PDXDC1: variants seen among roughly 807,000 people sequenced by gnomAD.
The protein encoded by PDXDC1 is pyridoxal dependent decarboxylase domain containing 1, also known as pyridoxal-dependent decarboxylase domain-containing protein 1.
In PDXDC1, 42 loss-of-function variants were observed where a neutral mutation model predicts 100.1. The ratio of observed to expected loss-of-function variants is 0.42; its 90% confidence interval spans 0.33 to 0.54. The LOEUF (loss-of-function observed/expected upper bound fraction) is 0.54. Ranked by LOEUF, PDXDC1 falls within the 20% of genes least tolerant of loss-of-function variation. PDXDC1 has a pLI of 0.10. For synonymous variants in PDXDC1, 260 were observed against 371.7 expected (o/e 0.70, Z 3.46); for missense variants, 636 against 979.2 (o/e 0.65, Z 4.68).
chr16:15,039,973 C>T, downstream of PDXDC1: 3 of 1,575,444 alleles, frequency 1.9e-6, no homozygotes, highest in Non-Finnish European at 1.7e-6. Context: ...ACTCACTGGT[C>T]CTCCTGCTAA....
At chr16:15,140,095 C>CAAAAAAAAAAA (rs372891971), downstream of PDXDC1, among the ~76,000 whole-genome samples, 30 of 43,728 alleles carry the variant, frequency 6.9e-4, no homozygotes, top group Admixed American at 1.2e-3. Flanking sequence ...GACTCCATCT[C>CAAAAAAAAAAA]AAAAAAAAAA....
intron 1 of PDXDC1, chr16:14,989,956 C>T: frequency 1.4e-6 from 2 of 1,460,520 alleles, no homozygotes; most frequent in Admixed American, 2.7e-5. Context: ...GCGCGGGTGG[C>T]CGCCTCCAGG....
chr16:15,001,378 A>C (rs1597405769), intron 3 of PDXDC1, among the ~76,000 whole-genome samples: 1 of 152,092 alleles, frequency 6.6e-6, no homozygotes, highest in East Asian at 1.9e-4. Context: ...AATCTCAGCT[A>C]CTCAGGAGGC....
intron 16 of PDXDC1, among the ~76,000 whole-genome samples, chr16:15,062,389 G>C (rs1276153056): frequency 1.3e-5 from 2 of 152,112 alleles, no homozygotes; most frequent in Non-Finnish European, 2.9e-5. Context: ...TAAAGAAAAA[G>C]ATGAAAGGGG....
At chr16:14,975,912 A>G (rs1437785536) in intron 1 of PDXDC1, among the ~76,000 whole-genome samples, 1 of 152,284 alleles carries the variant, frequency 6.6e-6, no homozygotes, top group African/African-American at 2.4e-5. Flanking sequence ...TTGCGAATTG[A>G]GTTTTGGGGA....
downstream of PDXDC1, chr16:15,041,715 C>A: frequency 1.4e-6 from 2 of 1,455,178 alleles, no homozygotes; most frequent in Non-Finnish European, 1.9e-6. Context: ...CAGAAAAGTT[C>A]CTCTAGTTAC....
intron 16 of PDXDC1, chr16:15,055,701 G>A: frequency 5.3e-6 from 2 of 373,952 alleles, no homozygotes; most frequent in Non-Finnish European, 9.5e-6. Context: ...GGCCTCCGGG[G>A]CAGCCCGCTG....
intron 16 of PDXDC1, among the ~76,000 whole-genome samples, chr16:15,083,259 C>A (rs1299457208): frequency 2.0e-5 from 3 of 152,170 alleles, no homozygotes; most frequent in South Asian, 2.1e-4. Flanking sequence ...ATTAGCTGGG[C>A]ATGGTGGTAG....
intron 16 of PDXDC1, chr16:15,125,265 C>T (rs1416905370): frequency 4.3e-5 from 25 of 585,044 alleles, no homozygotes; most frequent in Middle Eastern, 4.6e-4. Flanking sequence ...CCACAATGGA[C>T]GGGTCACTGA....
At chr16:15,044,102 C>G (rs1268344640) in intron 16 of PDXDC1, among the ~76,000 whole-genome samples, 1 of 152,118 alleles carries the variant, frequency 6.6e-6, no homozygotes, top group Non-Finnish European at 1.5e-5. Context: ...GGAATGTGTT[C>G]ACTGCTGTTT....
chr16:15,143,721 G>C (rs2048509970), downstream of PDXDC1, among the ~76,000 whole-genome samples: 1 of 152,218 alleles, frequency 6.6e-6, no homozygotes, highest in Middle Eastern at 3.2e-3. Context: ...CCTGGGTGTG[G>C]GGCAGCTCCC....
chr16:15,131,571 G>A (rs1300172081), intron 16 of PDXDC1: 7 of 1,608,154 alleles, frequency 4.4e-6, no homozygotes, highest in Admixed American at 1.7e-5. Context: ...TGAGCACGCG[G>A]GAGCGCGTGA....
chr16:15,132,438 G>C (rs1265658464), intron 16 of PDXDC1, among the ~76,000 whole-genome samples: 7 of 137,360 alleles, frequency 5.1e-5, no homozygotes, highest in Non-Finnish European at 9.6e-5. Flanking sequence ...GGAAGGGGGA[G>C]GGGAGGGGAG....
chr16:15,150,500 AC>A, the PDXDC1 span, among the ~76,000 whole-genome samples: 1 of 150,902 alleles, frequency 6.6e-6, no homozygotes, highest in Non-Finnish European at 1.5e-5. Flanking sequence ...CCCCATCTCT[AC>A]TAAAAATATT....
rs542105378 is a variant in PDXDC1 at position 15,094,194 on chromosome 16, C to T, written c.1400-44685C>T. On this transcript the variant is annotated intron_variant, in intron 16 of 16. Coordinates refer to the PDXDC1 transcript ENST00000535621. Reference sequence around the variant, plus strand: ...TTAACTGCAGAGGACGAAGCGGCCGCATCTCCCGGCAAACGCGTGTGAAGC... The same window carrying T: ...TTAACTGCAGAGGACGAAGCGGCCGTATCTCCCGGCAAACGCGTGTGAAGC... 2.1e-5 allele frequency: 33 copies of T among 1,600,380 alleles called. No individual in the cohort carries two copies. The highest frequency in any genetic ancestry group is 8.6e-5 in the Admixed American group (5 of 57,874).
In PDXDC1 at chr16:15,037,220, G is replaced by T. The variant is rs1382855185; in HGVS notation, c.*945G>T. On this transcript the variant is annotated 3_prime_UTR_variant, in exon 23 of 23. Coordinates refer to ENST00000396410, the MANE Select transcript of PDXDC1 (RefSeq NM_015027.4). ...GCACTCTCTCACGCTGATCCAGCCGGGCACCCTGCTTAAGTCAGTAGAAGC... is the reference window on the plus strand; with the variant it reads ...GCACTCTCTCACGCTGATCCAGCCGTGCACCCTGCTTAAGTCAGTAGAAGC... 1 of 152,164 alleles carries T rather than the reference G, an allele frequency of 6.6e-6. No individual in the cohort carries two copies. Among genetic ancestry groups the T allele is most frequent in the Non-Finnish European group, 1.5e-5 (1 of 68,046 alleles). The allele number at this position is 152,164 out of a possible 1,614,324, so 9.4% of individuals were successfully genotyped here. A position where few individuals can be genotyped will look rare whatever the true frequency, so the allele number is the denominator to read the frequency against.
chr16:15,023,177 G>A (rs2042334405), intron 13 of PDXDC1, among the ~76,000 whole-genome samples: 1 of 152,294 alleles, frequency 6.6e-6, no homozygotes, highest in Admixed American at 6.5e-5. Flanking sequence ...TTTGCATGAA[G>A]TGGGAGAAAG....
chr16:15,131,091 C>T (rs2048030925), intron 16 of PDXDC1: 1 of 1,606,744 alleles, frequency 6.2e-7, no homozygotes, highest in Non-Finnish European at 8.5e-7. Flanking sequence ...ACGCACCGTC[C>T]AGCAGCGTAT....
chr16:15,133,317 C>T (rs1016047657), intron 16 of PDXDC1: 21 of 1,546,052 alleles, frequency 1.4e-5, no homozygotes, highest in African/African-American at 2.7e-5. Flanking sequence ...TGCTGGGGAT[C>T]GGCCTGCCGC....
Sources: gnomAD v4.1 joint callset for allele counts (sites outside exome capture counted in the v4.1 genomes callset) on GRCh38, gnomAD v4.1.1 for gene constraint, MANE v1.5 for transcripts, NCBI Gene and HGNC (gene_info 2026-07-23, HGNC 2026-07-21) for gene names.